Variants in COLGALT2 observed in about 807,000 individuals in gnomAD.
COLGALT2 encodes collagen beta(1-O)galactosyltransferase 2.
A neutral mutation model predicts 73.4 loss-of-function variants in COLGALT2; 49 were observed. That is an observed-to-expected ratio of 0.67 (90% CI 0.53 to 0.85). The LOEUF is 0.85. Among genes scored for constraint, COLGALT2 ranks in the 40% least tolerant of loss-of-function variants. The probability of loss-of-function intolerance (pLI) is 0.00; values close to 1 mark genes in which losing one functional copy is unlikely to be tolerated. For missense variants in COLGALT2, 722 were observed against 790.2 expected (o/e 0.91, Z 1.03); for synonymous variants, 295 against 307.6 (o/e 0.96, Z 0.43).
chr1:183,962,096 C>CAATGGATCT (rs1670718047), intron 6 of COLGALT2, among the ~76,000 whole-genome samples: 1 of 150,262 alleles, frequency 6.7e-6, no homozygotes, highest in African/African-American at 2.4e-5. Context: ...ATAGACAACT[C>CAATGGATCT]AATGGATCTA....
chr1:183,981,044 G>A (rs1411745673), intron 1 of COLGALT2, among the ~76,000 whole-genome samples: 1 of 152,018 alleles, frequency 6.6e-6, no homozygotes, highest in Non-Finnish European at 1.5e-5. Context: ...AAAAAAATAA[G>A]CCACTACAAT....
chr1:184,011,454 C>T (rs1372491106), intron 1 of COLGALT2, among the ~76,000 whole-genome samples: 1 of 152,170 alleles, frequency 6.6e-6, no homozygotes, highest in East Asian at 1.9e-4. Flanking sequence ...CTCCAGTTAC[C>T]TTCCAATCTG....
chr1:183,969,504 T>C (rs780023973), intron 4 of COLGALT2, 31 bp from the exon 5 acceptor site: 13 of 1,567,266 alleles, frequency 8.3e-6, no homozygotes, highest in Non-Finnish European at 8.7e-7. Context: ...GGGTTGTGTT[T>C]TCTGATTTGA....
At position 183,937,883 on chromosome 1, in the gene COLGALT2, G is replaced by T; in HGVS notation, c.*878C>A. On this transcript the variant is annotated 3_prime_UTR_variant, in exon 12 of 12. Coordinates refer to ENST00000361927, the MANE Select transcript of COLGALT2 (RefSeq NM_015101.4). ...CCTGCGGTGGGTTCCCAGGCTAAGGGGTGGAGCGGAGAGCGTGAAGCTCTG... is the reference window on the plus strand; with the variant it reads ...CCTGCGGTGGGTTCCCAGGCTAAGGTGTGGAGCGGAGAGCGTGAAGCTCTG... The T allele has an allele frequency of 1.0e-6, 1 of 985,450 alleles. No homozygotes were observed. Among genetic ancestry groups the T allele is most frequent in the Non-Finnish European group, 1.2e-6 (1 of 829,946 alleles). 61.0% of individuals were successfully genotyped at this position (985,450 alleles called of 1,614,324 possible). A position where few individuals can be genotyped will look rare whatever the true frequency, so the allele number is the denominator to read the frequency against.
intron 4 of COLGALT2, among the ~76,000 whole-genome samples, chr1:183,973,320 G>A (rs912315706): frequency 2.0e-5 from 3 of 151,982 alleles, no homozygotes; most frequent in Non-Finnish European, 4.4e-5. Context: ...AGTTTTGTAA[G>A]GACAAAAAGA....
intron 2 of COLGALT2, among the ~76,000 whole-genome samples, 175 bp downstream of exon 2, chr1:183,978,235 G>A (rs1477108181): frequency 6.6e-6 from 1 of 152,178 alleles, no homozygotes; most frequent in South Asian, 2.1e-4. Context: ...TAAACAGCAA[G>A]AGAGTACTGT....
rs530079817 is a variant in COLGALT2, at chr1:184,019,493, A to G, written c.263+17602T>C. On this transcript the variant is annotated intron_variant, in intron 1 of 11. Transcript: ENST00000361927. ...TAACTGATGAACTAGATTAAATAGAAAATAAATATTCAACTAAAGCAGATT... is the reference window on the plus strand; with the variant it reads ...TAACTGATGAACTAGATTAAATAGAGAATAAATATTCAACTAAAGCAGATT... Among the ~76,000 whole-genome samples, 4 of 152,340 alleles carry G rather than the reference A, an allele frequency of 2.6e-5. No individual in the cohort carries two copies. The East Asian group carries it at 7.7e-4, about 29-fold the overall frequency.
chr1:183,962,243 TC>T (rs1320777871), intron 6 of COLGALT2, among the ~76,000 whole-genome samples: 10 of 133,086 alleles, frequency 7.5e-5, no homozygotes, highest in Admixed American at 3.6e-4. Context: ...CACTGCAACC[TC>T]TGCCTCCTGG....
At position 183,969,370 on chromosome 1, in the gene COLGALT2, C is replaced by T. The variant is rs973172757; in HGVS notation, c.731G>A (p.Arg244Lys). 1 of 1,613,850 alleles carries T rather than the reference C, an allele frequency of 6.2e-7. No homozygotes were observed. Among genetic ancestry groups the T allele is most frequent in the Admixed American group, 1.7e-5 (1 of 59,972 alleles). ...AGTCAGCTTGTCCGAGGCCTCCTTCCTGAGGTCAATTAGGAAGGTGGAGTG... is the reference window on the plus strand; with the variant it reads ...AGTCAGCTTGTCCGAGGCCTCCTTCTTGAGGTCAATTAGGAAGGTGGAGTG... ...MVHSTFLIDL[R>K]KEASDKLTFY... The change falls in exon 5 of 12, where the codon AGG becomes AAG. Residue 244 changes from arginine (R) to lysine (K), a missense_variant. Transcript: ENST00000361927.
intron 11 of COLGALT2, chr1:183,930,405 T>G (rs1292108396): frequency 2.5e-6 from 1 of 405,168 alleles, no homozygotes; most frequent in East Asian, 7.2e-5. Flanking sequence ...AATTTAATTT[T>G]ATTTTTTGGA....
intron 8 of COLGALT2, chr1:183,946,565 A>C (rs951424525): frequency 1.3e-5 from 2 of 152,268 alleles, no homozygotes; most frequent in Admixed American, 6.5e-5. Flanking sequence ...TATCTATAAG[A>C]GGCAGCCTTT....
chr1:183,978,438 C>A lies in COLGALT2; in HGVS notation c.346G>T (p.Val116Leu). The change falls in exon 2 of 12, where the codon GTG becomes TTG. Residue 116 changes from valine (V) to leucine (L), a missense_variant. By Grantham distance (32) the Val-to-Leu change is conservative. Coordinates refer to ENST00000361927, the MANE Select transcript of COLGALT2 (RefSeq NM_015101.4). ...LKNVQRLYHY[V>L]EWRPMDEPES... Reference sequence around the variant, plus strand: ...GGTTCATCCATAGGCCTCCACTCCACATAGTGATAGAGTCTCTGTACATTT... The same window carrying A: ...GGTTCATCCATAGGCCTCCACTCCAAATAGTGATAGAGTCTCTGTACATTT... 6.2e-7 allele frequency: 1 copy of A among 1,610,306 alleles called. No individual in the cohort carries two copies. Among genetic ancestry groups the A allele is most frequent in the Non-Finnish European group, 8.5e-7 (1 of 1,176,834 alleles).
downstream of COLGALT2, chr1:183,929,719 C>T (rs1195928939): frequency 6.5e-6 from 1 of 153,490 alleles, no homozygotes; most frequent in African/African-American, 2.4e-5. Context: ...CAGATGCCTA[C>T]ATTTCCACTA....
Position 184,019,445 on chromosome 1 carries a change from C to T in COLGALT2, c.263+17650G>A, listed in dbSNP as rs906718486. On this transcript the variant is annotated intron_variant, in intron 1 of 11. Transcript: ENST00000361927. ...TGAGTACCCTTTACCTATACTTGGG[C>T]CTGACAAAGTTCTCTGTTATGTTAA... Among the ~76,000 whole-genome samples the T allele has an allele frequency of 2.6e-5, 4 of 152,086 alleles. No homozygotes were observed. The East Asian group carries it at 5.8e-4, about 22-fold the overall frequency.
intron 6 of COLGALT2, among the ~76,000 whole-genome samples, chr1:183,957,633 T>C (rs1023440211): frequency 1.3e-5 from 2 of 152,194 alleles, no homozygotes; most frequent in African/African-American, 2.4e-5. Context: ...TAATTAATCA[T>C]GCTCACTGTT....
At chr1:184,007,196 T>C (rs1470663288) in intron 1 of COLGALT2, among the ~76,000 whole-genome samples, 2 of 152,182 alleles carry the variant, frequency 1.3e-5, no homozygotes, top group Admixed American at 1.3e-4. Context: ...GCACAGGGAA[T>C]AACACCATGT....
chr1:184,004,174 T>C (rs368858525), intron 1 of COLGALT2, among the ~76,000 whole-genome samples: 2 of 152,280 alleles, frequency 1.3e-5, no homozygotes, highest in African/African-American at 4.8e-5. Context: ...CCATGTCTAG[T>C]TTATCCAAAG....
At chr1:183,992,299 G>T (rs1671650923) in intron 1 of COLGALT2, among the ~76,000 whole-genome samples, 1 of 152,156 alleles carries the variant, frequency 6.6e-6, no homozygotes, top group South Asian at 2.1e-4. Context: ...TACTCTAAGA[G>T]GCTTATTTTG....
rs774536815 is a variant in COLGALT2, at chr1:183,945,533, T to C, written c.1168A>G (p.Asn390Asp). ...CGATAGCCAGGCAGCATTTCAATAT[T>C]CAGTGCCTTCAGCTGGCTTGTGTTG... ...ALNTSQLKAL[N>D]IEMLPGYRDP... is the part of the protein sequence containing the mutation. The change falls in exon 9 of 12, where the codon AAT becomes GAT. Residue 390 changes from asparagine to aspartate, a missense_variant. Coordinates refer to ENST00000361927, the MANE Select transcript of COLGALT2 (RefSeq NM_015101.4). 3 of 1,614,072 alleles carry C rather than the reference T, an allele frequency of 1.9e-6. No homozygotes were observed. The highest frequency in any genetic ancestry group is 2.5e-6 in the Non-Finnish European group (3 of 1,180,036).
Sources: gnomAD v4.1 joint callset for allele counts (sites outside exome capture counted in the v4.1 genomes callset) on GRCh38, gnomAD v4.1.1 for gene constraint, MANE v1.5 for transcripts, NCBI Gene and HGNC (gene_info 2026-07-23, HGNC 2026-07-21) for gene names.